Variants in KLRG1 observed in about 807,000 individuals in gnomAD.
The protein encoded by KLRG1 is killer cell lectin-like receptor subfamily G member 1.
In KLRG1, 16 loss-of-function variants were observed where a neutral mutation model predicts 21.8. The observed-to-expected ratio is 0.73, with a 90% CI of 0.50 to 1.11. The LOEUF (loss-of-function observed/expected upper bound fraction) is 1.11, where lower values mean the gene tolerates loss of function less well. Among genes scored for constraint, KLRG1 ranks in the 50% most tolerant of loss-of-function variants. KLRG1 has a pLI of 0.00. For synonymous variants in KLRG1, 69 were observed against 75.9 expected, an observed-to-expected ratio of 0.91 and a Z score of 0.47; for missense variants, 173 against 218.3, an observed-to-expected ratio of 0.79 and a Z score of 1.31.
the KLRG1 span, chr12:9,200,278 C>A: frequency 8.1e-6 from 7 of 869,496 alleles, no homozygotes; most frequent in Admixed American, 2.8e-5. Flanking sequence ...AGTGCTGAGG[C>A]AAAGTAAATT....
the KLRG1 span, chr12:9,164,065 A>G: frequency 6.7e-7 from 1 of 1,501,832 alleles, no homozygotes; most frequent in Non-Finnish European, 9.1e-7. Context: ...AGAGAATATG[A>G]TGAAAAAAGT....
At chr12:9,213,708 G>A in the KLRG1 span, among the ~76,000 whole-genome samples, 1 of 152,040 alleles carries the variant, frequency 6.6e-6, no homozygotes, top group Non-Finnish European at 1.5e-5. Flanking sequence ...AATTGTAAGA[G>A]TTCTTTACAT....
the KLRG1 span, chr12:9,074,717 T>TG: frequency 6.2e-7 from 1 of 1,613,970 alleles, no homozygotes; most frequent in East Asian, 2.2e-5. Flanking sequence ...AGAGGGAGCC[T>TG]GGGGTTCGTA....
chr12:9,062,035 G>A, the KLRG1 span, among the ~76,000 whole-genome samples: 5 of 150,244 alleles, frequency 3.3e-5, no homozygotes, highest in South Asian at 2.1e-4. Flanking sequence ...TTTATATATC[G>A]TATAAGAAAT....
the KLRG1 span, among the ~76,000 whole-genome samples, chr12:9,055,426 G>A: frequency 1.3e-5 from 2 of 152,190 alleles, no homozygotes; most frequent in Non-Finnish European, 1.5e-5. Context: ...CATATTCTGA[G>A]GTTCTGCAGT....
the KLRG1 span, among the ~76,000 whole-genome samples, chr12:9,087,449 C>A: frequency 6.6e-6 from 1 of 152,078 alleles, no homozygotes; most frequent in Non-Finnish European, 1.5e-5. Context: ...TATGTGGAAG[C>A]TAAAACATTC....
At chr12:9,186,622 C>T in the KLRG1 span, among the ~76,000 whole-genome samples, 4 of 150,492 alleles carry the variant, frequency 2.7e-5, no homozygotes, top group African/African-American at 9.8e-5. Context: ...CAATGATAGA[C>T]TGGATAAAGA....
the KLRG1 span, among the ~76,000 whole-genome samples, chr12:9,167,981 T>C: frequency 6.6e-6 from 1 of 152,226 alleles, no homozygotes; most frequent in Non-Finnish European, 1.5e-5. Flanking sequence ...ATTGAAGGTA[T>C]ACTTAAACAG....
the KLRG1 span, chr12:9,192,419 G>A: frequency 7.6e-7 from 1 of 1,312,886 alleles, no homozygotes; most frequent in Non-Finnish European, 1.1e-6. Flanking sequence ...CAAGGTGGCT[G>A]TGTGCAAGTA....
At chr12:9,112,307 G>T in the KLRG1 span, 1 of 1,600,756 alleles carries the variant, frequency 6.2e-7, no homozygotes, top group Non-Finnish European at 8.6e-7. Context: ...TAGGAACTTT[G>T]CCTGGGGAAC....
chr12:9,098,027 G>A, the KLRG1 span, among the ~76,000 whole-genome samples: 1 of 152,164 alleles, frequency 6.6e-6, no homozygotes, highest in Non-Finnish European at 1.5e-5. Context: ...TTGAAATGTT[G>A]AAACTAGTTT....
chr12:9,163,842 C>T, the KLRG1 span: 1 of 1,566,514 alleles, frequency 6.4e-7, no homozygotes, highest in Non-Finnish European at 8.6e-7. Context: ...GTCCAATCAC[C>T]TTTAAGGGCT....
At chr12:9,201,188 C>A in the KLRG1 span, 7 of 1,376,882 alleles carry the variant, frequency 5.1e-6, no homozygotes, top group East Asian at 1.1e-4. Flanking sequence ...AGAGAAAATA[C>A]AATCAACCTG....
chr12:9,065,655 C>T, the KLRG1 span, among the ~76,000 whole-genome samples: 1 of 152,212 alleles, frequency 6.6e-6, no homozygotes, highest in East Asian at 1.9e-4. Flanking sequence ...AGACAGGTTC[C>T]TGGGTGGAAG....
At chr12:9,017,013 A>C in the KLRG1 span, among the ~76,000 whole-genome samples, 1 of 152,046 alleles carries the variant, frequency 6.6e-6, no homozygotes, top group Non-Finnish European at 1.5e-5. Flanking sequence ...CACTTTAAAA[A>C]ATTTCAAACA....
At chr12:9,176,440 T>C in the KLRG1 span, among the ~76,000 whole-genome samples, 2 of 152,196 alleles carry the variant, frequency 1.3e-5, no homozygotes, top group Admixed American at 6.5e-5. Flanking sequence ...TCTGCACTTG[T>C]ACCCCTGAAG....
chr12:9,073,421 C>T, the KLRG1 span, among the ~76,000 whole-genome samples: 1 of 152,154 alleles, frequency 6.6e-6, no homozygotes, highest in Non-Finnish European at 1.5e-5. Flanking sequence ...TTGGCTTTCC[C>T]TTTTTATTGG....
the KLRG1 span, chr12:9,160,366 G>T: frequency 1.2e-6 from 2 of 1,614,184 alleles, no homozygotes; most frequent in East Asian, 2.2e-5. Context: ...TCAGCTGCTG[G>T]GTTTCATTCA....
chr12:9,192,734 G>A, the KLRG1 span: 15 of 1,596,632 alleles, frequency 9.4e-6, no homozygotes, highest in Non-Finnish European at 1.3e-5. Context: ...GATGCACAGT[G>A]AAAACCTGAG....
Sources: gnomAD v4.1 joint callset for allele counts (sites outside exome capture counted in the v4.1 genomes callset) on GRCh38, gnomAD v4.1.1 for gene constraint, MANE v1.5 for transcripts, NCBI Gene and HGNC (gene_info 2026-07-23, HGNC 2026-07-21) for gene names.